Variants in SCN3B observed in about 807,000 individuals in gnomAD.
The protein encoded by SCN3B is sodium channel regulatory subunit beta-3.
Under a neutral mutation model 25.4 loss-of-function variants are expected in SCN3B, and 11 were observed. The observed-to-expected ratio is 0.43, with a 90% confidence interval of 0.27 to 0.72. The LOEUF (loss-of-function observed/expected upper bound fraction) is 0.72. Ranked by LOEUF, SCN3B falls within the 30% of genes least tolerant of loss-of-function variation. The pLI is 0.18. For missense variants in SCN3B, 218 were observed against 278.3 expected (o/e 0.78, Z 1.54); for synonymous variants, 109 against 110.7 (o/e 0.99, Z 0.09).
intron 2 of SCN3B, among the ~76,000 whole-genome samples, chr11:123,648,390 T>C (rs968790945): frequency 5.9e-5 from 9 of 152,260 alleles, no homozygotes; most frequent in East Asian, 1.9e-4. Context: ...TTTACATGAA[T>C]GTGCTTTGTA....
chr11:123,653,878 G>C (rs1430517611), intron 1 of SCN3B, 52 bp from the exon 2 acceptor site: 3 of 1,542,776 alleles, frequency 1.9e-6, no homozygotes, highest in Non-Finnish European at 1.8e-6. Context: ...AGATTCTTTC[G>C]AGGAAACCCT....
rs751214037 is a variant in SCN3B, at chr11:123,653,734, T to A, written c.55+13A>T. On this transcript the variant is annotated intron_variant, in intron 2 of 6. Coordinates refer to ENST00000299333, the MANE Select transcript of SCN3B (RefSeq NM_001040151.2). ...GTTACCTGCATCCGGCATGGCGAGG[T>A]GCTGGTACTTACCCCAGTAGATAAG... is the stretch of plus-strand genomic sequence containing the variant. 4.3e-6 allele frequency: 7 copies of A among 1,613,846 alleles called. No individual in the cohort carries two copies. The highest frequency in any genetic ancestry group is 5.9e-6 in the Non-Finnish European group (7 of 1,179,882).
Position 123,634,135 on chromosome 11 carries a change from C to T in SCN3B, c.*8G>A, listed in dbSNP as rs1288973934. 3 of 1,613,548 alleles carry T rather than the reference C, an allele frequency of 1.9e-6. No individual in the cohort carries two copies. The highest frequency in any genetic ancestry group is 2.5e-6 in the Non-Finnish European group (3 of 1,179,654). ...CTGTAGGTCACCTCATGTCACACTG[C>T]TCCTGTTCTATTCCTCCACTGGTAC... On this transcript the variant is annotated 3_prime_UTR_variant, in exon 6 of 7. Transcript: ENST00000299333.
intron 2 of SCN3B, among the ~76,000 whole-genome samples, chr11:123,651,133 T>C (rs1955920791): frequency 6.6e-6 from 1 of 151,596 alleles, no homozygotes; most frequent in African/African-American, 2.4e-5. Flanking sequence ...TTGTATTGTA[T>C]TATTTTTTAA....
chr11:123,644,800 A>AGAGAGAGAGAGAG (rs1272015067), intron 3 of SCN3B, among the ~76,000 whole-genome samples: 4 of 45,586 alleles, frequency 8.8e-5, no homozygotes, highest in African/African-American at 3.1e-4. Context: ...AGAGAGAGAG[A>AGAGAGAGAGAGAG]ATATATATAT....
chr11:123,641,046 C>T (rs901808243), intron 4 of SCN3B: 1 of 152,268 alleles, frequency 6.6e-6, no homozygotes, highest in Non-Finnish European at 1.5e-5. Flanking sequence ...TGTCTGGAGG[C>T]AAAAGCCCGA....
chr11:123,652,654 C>T (rs978113326), intron 2 of SCN3B, among the ~76,000 whole-genome samples: 3 of 152,078 alleles, frequency 2.0e-5, no homozygotes, highest in South Asian at 2.1e-4. Flanking sequence ...GATTTTTGCA[C>T]GGAGAAAGGT....
rs1233503661 is a variant in SCN3B, at chr11:123,631,297, A to C, written c.*2502T>G. On this transcript the variant is annotated 3_prime_UTR_variant, in exon 7 of 7. Transcript: ENST00000299333. ...ACTTAGATACACGAGCTATTGGGCC[A>C]CCGAGGAAAACGGTGTGGTAGTAAG... The C allele has an allele frequency of 6.6e-6, 1 of 152,174 alleles. No individual in the cohort carries two copies. Among genetic ancestry groups the C allele is most frequent in the South Asian group, 2.1e-4 (1 of 4,814 alleles). 9.4% of individuals were successfully genotyped at this position (152,174 alleles called of 1,614,324 possible).
At chr11:123,644,303 T>C (rs1955822047) in intron 3 of SCN3B, among the ~76,000 whole-genome samples, 1 of 152,230 alleles carries the variant, frequency 6.6e-6, no homozygotes, top group African/African-American at 2.4e-5. Flanking sequence ...ATAATTTGGC[T>C]ATGCTTTATA....
chr11:123,645,843 G>C, intron 2 of SCN3B, 93 bp from the exon 3 acceptor site: 1 of 1,431,640 alleles, frequency 7.0e-7, no homozygotes, highest in Non-Finnish European at 9.8e-7. Context: ...GGAGGGAAGA[G>C]AGACAGAGAA....
chr11:123,635,992 T>C lies in SCN3B; in HGVS notation c.585-1786A>G, dbSNP rs909065524. On this transcript the variant is annotated intron_variant, in intron 5 of 6. Coordinates refer to ENST00000299333, the MANE Select transcript of SCN3B (RefSeq NM_001040151.2). ...AGTTCTTTGAGAAATCTAATGGGCA[T>C]TTTGATTGGGATTTCATTGAATTTG... Among the ~76,000 whole-genome samples, 8 of 152,344 alleles carry C rather than the reference T, an allele frequency of 5.3e-5. No homozygotes were observed. The South Asian group carries it at 1.7e-3, about 32-fold the overall frequency.
intron 2 of SCN3B, among the ~76,000 whole-genome samples, chr11:123,649,427 G>T (rs75821015): frequency 0.023 from 3,558 of 152,116 alleles, 183 homozygotes; most frequent in Admixed American, 0.12. Flanking sequence ...TAGTTTCAGG[G>T]CATGAGAACT....
At chr11:123,638,072 C>T (rs1955749146) in intron 5 of SCN3B, 114 bp downstream of exon 5, 2 of 1,241,398 alleles carry the variant, frequency 1.6e-6, no homozygotes, top group African/African-American at 3.0e-5. Flanking sequence ...ATCTCTTAAG[C>T]AGTGATCATG....
intron 4 of SCN3B, chr11:123,640,708 C>T (rs1191567749): frequency 2.0e-5 from 3 of 152,202 alleles, no homozygotes; most frequent in Non-Finnish European, 4.4e-5. Flanking sequence ...AAGAGGGGCA[C>T]CAGAGCTACA....
intron 4 of SCN3B, chr11:123,639,980 C>G (rs1955768953): frequency 6.6e-6 from 1 of 152,212 alleles, no homozygotes; most frequent in African/African-American, 2.4e-5. Context: ...CAGCTCTCAA[C>G]AGCAAGTCAG....
Position 123,638,169 on chromosome 11 carries a change from G to A in SCN3B, c.584+17C>T. ...AGGTGCTAGCTTTCATTATTACTTT[G>A]GCATCTCTGGACTTACGCGTTTTCT... On this transcript the variant is annotated intron_variant, in intron 5 of 6. Transcript: ENST00000299333. 4 of 1,613,830 alleles carry A rather than the reference G, an allele frequency of 2.5e-6. No homozygotes were observed. Among genetic ancestry groups the A allele is most frequent in the Non-Finnish European group, 2.5e-6 (3 of 1,179,946 alleles).
rs972508165 is a variant in SCN3B at position 123,632,177 on chromosome 11, T to C, written c.*1622A>G. 1 of 152,208 alleles carries C rather than the reference T, an allele frequency of 6.6e-6. No homozygotes were observed. Among genetic ancestry groups the C allele is most frequent in the Non-Finnish European group, 1.5e-5 (1 of 68,030 alleles). The allele number at this position is 152,208 out of a possible 1,614,324, so 9.4% of individuals were successfully genotyped here. ...ATCTAGGGGAAAAAAATCTGAAAAT[T>C]ATGCATTCATAGGCGAAGTATTTGG... On this transcript the variant is annotated 3_prime_UTR_variant, in exon 7 of 7. Coordinates refer to ENST00000299333, the MANE Select transcript of SCN3B (RefSeq NM_001040151.2).
rs1379321263 is a variant in SCN3B at position 123,631,899 on chromosome 11, G to GA, written c.*1899dup. ...AGTACTTTCCTAGGGATGGAAGAAT[G>GA]AAAAAAATGAGCTTTTAAGGTAAAG... On this transcript the variant is annotated 3_prime_UTR_variant, in exon 7 of 7. Coordinates refer to ENST00000299333, the MANE Select transcript of SCN3B (RefSeq NM_001040151.2). 9 of 152,020 alleles carry GA rather than the reference G, an allele frequency of 5.9e-5. No individual in the cohort carries two copies. Among genetic ancestry groups the GA allele is most frequent in the African/African-American group, 1.2e-4 (5 of 41,410 alleles). 9.4% of individuals were successfully genotyped at this position (152,020 alleles called of 1,614,324 possible).
At chr11:123,643,295 C>T (rs973059755) in intron 3 of SCN3B, among the ~76,000 whole-genome samples, 22 of 152,206 alleles carry the variant, frequency 1.4e-4, no homozygotes, top group Admixed American at 3.9e-4. Flanking sequence ...GAGAGGCACA[C>T]GTCACATCTT....
Sources: gnomAD v4.1 joint callset for allele counts (sites outside exome capture counted in the v4.1 genomes callset) on GRCh38, gnomAD v4.1.1 for gene constraint, MANE v1.5 for transcripts, NCBI Gene and HGNC (gene_info 2026-07-23, HGNC 2026-07-21) for gene names.